GDPD4: variants seen among roughly 807,000 people sequenced by gnomAD.
The protein encoded by GDPD4 is glycerophosphodiester phosphodiesterase domain containing 4.
Under a neutral mutation model 67.8 loss-of-function variants are expected in GDPD4, and 60 were observed. The ratio of observed to expected loss-of-function variants is 0.88; its 90% confidence interval spans 0.72 to 1.10. GDPD4 has a LOEUF of 1.10. GDPD4 is among the 50% of genes least tolerant of loss of function. The pLI is 0.00. For synonymous variants in GDPD4, 212 were observed against 210.9 expected (o/e 1.00, Z -0.04); for missense variants, 623 against 613.9 (o/e 1.01, Z -0.16).
Position 77,269,018 on chromosome 11 carries a change from T to G in GDPD4, c.530A>C (p.Tyr177Ser), listed in dbSNP as rs573751380. The change falls in exon 9 of 17, where the codon TAT becomes TCT. Residue 177 changes from tyrosine to serine, a missense_variant. Coordinates refer to ENST00000315938, the MANE Select transcript of GDPD4 (RefSeq NM_182833.3). The part of the protein sequence containing the change: ...LPFLLILLGL[Y>S]LMPLGIYSPC... ...AGAATAAATCCCCAGTGGCATCAAA[T>G]AGAGACCTAAAAGGATAAGAAGAAA... is the stretch of plus-strand genomic sequence containing the variant. 2 of 1,613,764 alleles carry G rather than the reference T, an allele frequency of 1.2e-6. No individual in the cohort carries two copies. The highest frequency in any genetic ancestry group is 1.7e-5 in the Admixed American group (1 of 59,980).
intron 5 of GDPD4, among the ~76,000 whole-genome samples, chr11:77,274,501 CCTT>C (rs908790446): frequency 2.6e-5 from 4 of 152,202 alleles, no homozygotes; most frequent in Non-Finnish European, 5.9e-5. Flanking sequence ...GGCACCTCCT[CCTT>C]CTCTCTCTTG....
At chr11:77,231,412 T>G (rs1958451993) in intron 14 of GDPD4, among the ~76,000 whole-genome samples, 1 of 152,164 alleles carries the variant, frequency 6.6e-6, no homozygotes, top group Non-Finnish European at 1.5e-5. Context: ...TAAATCTCAA[T>G]CAGTCTAACT....
chr11:77,243,600 G>T, intron 13 of GDPD4, 94 bp downstream of exon 13: 1 of 1,093,656 alleles, frequency 9.1e-7, no homozygotes, highest in South Asian at 1.3e-5. Flanking sequence ...CAGAAATTCC[G>T]AGATGGAAAG....
intron 13 of GDPD4, among the ~76,000 whole-genome samples, chr11:77,236,758 A>T (rs1290824846): frequency 6.6e-6 from 1 of 152,138 alleles, no homozygotes; most frequent in Admixed American, 6.5e-5. Flanking sequence ...ACACAAATCA[A>T]CAATCGCAAT....
At chr11:77,261,005 A>C (rs557774437) in intron 10 of GDPD4, among the ~76,000 whole-genome samples, 2 of 152,268 alleles carry the variant, frequency 1.3e-5, no homozygotes, top group Non-Finnish European at 2.9e-5. Flanking sequence ...TAAAACTAAA[A>C]ATTTTTTCAA....
At chr11:77,277,070 A>G (rs1227594817) in intron 4 of GDPD4, among the ~76,000 whole-genome samples, 1 of 152,096 alleles carries the variant, frequency 6.6e-6, no homozygotes, top group African/African-American at 2.4e-5. Flanking sequence ...TAGAGTAGAA[A>G]GTTTGTTAAA....
intron 4 of GDPD4, among the ~76,000 whole-genome samples, chr11:77,277,371 C>T (rs1354537297): frequency 2.1e-5 from 3 of 143,574 alleles, no homozygotes; most frequent in African/African-American, 2.5e-5. Flanking sequence ...ATCTCACAAA[C>T]CTCTTTTCAG....
At chr11:77,248,643 T>A (rs1180227556) in intron 11 of GDPD4, among the ~76,000 whole-genome samples, 1 of 152,220 alleles carries the variant, frequency 6.6e-6, no homozygotes, top group Non-Finnish European at 1.5e-5. Context: ...TGTCCCAATA[T>A]AAAACTATTA....
chr11:77,232,983 A>C (rs764769406), intron 14 of GDPD4, 42 bp downstream of exon 14: 5 of 1,608,202 alleles, frequency 3.1e-6, no homozygotes, highest in Non-Finnish European at 4.3e-6. Flanking sequence ...CTGCACTGCT[A>C]TCATACCAAG....
rs1025547832 is a variant in GDPD4 at position 77,233,128 on chromosome 11, T to G, written c.1286A>C (p.Asn429Thr). 1 of 1,613,986 alleles carries G rather than the reference T, an allele frequency of 6.2e-7. No individual in the cohort carries two copies. Among genetic ancestry groups the G allele is most frequent in the Admixed American group, 1.7e-5 (1 of 59,980 alleles). The change falls in exon 14 of 17, where the codon AAT becomes ACT. Residue 429 changes from asparagine (N) to threonine (T), a missense_variant. Physicochemically the swap from Asn to Thr is moderately conservative, Grantham distance 65. Transcript: ENST00000315938. The part of the protein sequence containing the change: ...ANIHINVYTV[N>T]EPWLFSLAWC... ...GGCCAGTGAGAAAAGCCAAGGCTCA[T>G]TGACGGTGTATACGTTGATATGGAT...
intron 1 of GDPD4, among the ~76,000 whole-genome samples, chr11:77,299,513 G>A (rs117802623): frequency 2.3e-4 from 35 of 152,198 alleles, no homozygotes; most frequent in African/African-American, 6.7e-4. Context: ...CTCCTAGAGC[G>A]TATGTTCCAC....
intron 11 of GDPD4, among the ~76,000 whole-genome samples, chr11:77,249,116 A>C (rs1310328811): frequency 2.0e-5 from 3 of 151,054 alleles, no homozygotes; most frequent in East Asian, 2.0e-4. Context: ...AATACAAAAA[A>C]TTAGCTGGGC....
intron 1 of GDPD4, among the ~76,000 whole-genome samples, chr11:77,299,196 C>CA (rs1328416155): frequency 6.6e-6 from 1 of 152,190 alleles, no homozygotes; most frequent in Non-Finnish European, 1.5e-5. Flanking sequence ...AGCTTCTCAC[C>CA]AGCCCCATAG....
chr11:77,217,154 A>AAAT lies in GDPD4; in HGVS notation c.*120_*122dup, dbSNP rs1161175057. 1 of 792,508 alleles carries AAAT rather than the reference A, an allele frequency of 1.3e-6. No individual in the cohort carries two copies. Among genetic ancestry groups the AAAT allele is most frequent in the Non-Finnish European group, 2.3e-6 (1 of 436,690 alleles). The allele number at this position is 792,508 out of a possible 1,614,324, so 49.1% of individuals were successfully genotyped here. A position where few individuals can be genotyped will look rare whatever the true frequency, so the allele number is the denominator to read the frequency against. On this transcript the variant is annotated 3_prime_UTR_variant, in exon 17 of 17. Transcript: ENST00000315938. ...TAGTAGTTTCTTGGATGGTGCTGCA[A>AAAT]AATTGAAATGGCCTTGGTGTTCCTT...
At chr11:77,225,728 C>A (rs1341116351) in intron 16 of GDPD4, among the ~76,000 whole-genome samples, 1 of 152,174 alleles carries the variant, frequency 6.6e-6, no homozygotes, top group African/African-American at 2.4e-5. Context: ...TAGAGAGAGG[C>A]CTTCTGGTGG....
At chr11:77,272,449 G>A (rs1959259445) in intron 5 of GDPD4, among the ~76,000 whole-genome samples, 2 of 152,122 alleles carry the variant, frequency 1.3e-5, no homozygotes, top group African/African-American at 4.8e-5. Flanking sequence ...GGATTTAAAG[G>A]ATACAGGCAA....
intron 3 of GDPD4, 115 bp downstream of exon 3, chr11:77,284,970 G>A (rs1327764233): frequency 2.6e-6 from 2 of 778,528 alleles, no homozygotes; most frequent in Admixed American, 4.4e-5. Flanking sequence ...GGAAAGCCCA[G>A]TTTTGTCCGC....
At chr11:77,219,980 T>G (rs1958196754) in intron 16 of GDPD4, among the ~76,000 whole-genome samples, 1 of 152,224 alleles carries the variant, frequency 6.6e-6, no homozygotes, top group South Asian at 2.1e-4. Context: ...TTTTGCACAT[T>G]GATTTTGTAT....
chr11:77,271,164 A>G lies in GDPD4; in HGVS notation c.366T>C (p.Pro122=). The change falls in exon 7 of 17, where the codon CCT becomes CCC. Residue 122 remains proline, a synonymous_variant. Coordinates refer to ENST00000315938, the MANE Select transcript of GDPD4 (RefSeq NM_182833.3). ...CCAAACATGCCACGTAGAAGGCCACAGGCCAGAAAAGGATAACCATCACAG... is the reference window on the plus strand; with the variant it reads ...CCAAACATGCCACGTAGAAGGCCACGGGCCAGAAAAGGATAACCATCACAG... ...SITVMVILFW[P]VAFYVACLER... 6.2e-7 allele frequency: 1 copy of G among 1,612,510 alleles called. No individual in the cohort carries two copies. The highest frequency in any genetic ancestry group is 8.5e-7 in the Non-Finnish European group (1 of 1,179,434).
Sources: gnomAD v4.1 joint callset for allele counts (sites outside exome capture counted in the v4.1 genomes callset) on GRCh38, gnomAD v4.1.1 for gene constraint, MANE v1.5 for transcripts, NCBI Gene and HGNC (gene_info 2026-07-23, HGNC 2026-07-21) for gene names.